CACNA2D3: variants seen among roughly 807,000 people sequenced by gnomAD.
The protein encoded by CACNA2D3 is calcium voltage-gated channel auxiliary subunit alpha2delta 3, also known as voltage-dependent calcium channel subunit alpha-2/delta-3.
Under a neutral mutation model 160.6 loss-of-function variants are expected in CACNA2D3, and 60 were observed. The observed-to-expected ratio is 0.37, with a 90% CI of 0.30 to 0.46. The LOEUF (loss-of-function observed/expected upper bound fraction) is 0.46. CACNA2D3 is among the 20% of genes least tolerant of loss of function. CACNA2D3 has a pLI of 1.00. For missense variants in CACNA2D3, 1,205 were observed against 1,365.0 expected, an observed-to-expected ratio of 0.88 and a Z score of 1.85; for synonymous variants, 558 against 492.9, an observed-to-expected ratio of 1.13 and a Z score of -1.75.
At chr3:54,678,107 A>G (rs1046197801) in intron 11 of CACNA2D3, among the ~76,000 whole-genome samples, 2 of 152,158 alleles carry the variant, frequency 1.3e-5, no homozygotes, top group Admixed American at 1.3e-4. Flanking sequence ...AGGGGTCTGG[A>G]AAAAGTTCCA....
At chr3:55,034,541 T>C (rs552918014) in intron 35 of CACNA2D3, among the ~76,000 whole-genome samples, 30 of 152,188 alleles carry the variant, frequency 2.0e-4, no homozygotes, top group African/African-American at 7.0e-4. Flanking sequence ...TAGTACTGGC[T>C]TATGGTAGTG....
intron 14 of CACNA2D3, among the ~76,000 whole-genome samples, chr3:54,831,441 A>G (rs900542467): frequency 6.6e-6 from 1 of 152,192 alleles, no homozygotes; most frequent in African/African-American, 2.4e-5. Context: ...AGGCAACCCA[A>G]ACAGATGTCC....
chr3:54,358,914 A>G (rs963072792), intron 3 of CACNA2D3, among the ~76,000 whole-genome samples: 6 of 151,996 alleles, frequency 3.9e-5, no homozygotes, highest in African/African-American at 1.5e-4. Context: ...TTTTCCTCCC[A>G]CCTTCCTTTA....
At chr3:54,785,670 C>T (rs189108702) in intron 13 of CACNA2D3, among the ~76,000 whole-genome samples, 1 of 152,244 alleles carries the variant, frequency 6.6e-6, no homozygotes, top group African/African-American at 2.4e-5. Flanking sequence ...CATGACATGT[C>T]TTATTGTACA....
chr3:54,976,348 GGAGA>G (rs926533521), intron 29 of CACNA2D3, among the ~76,000 whole-genome samples: 3 of 145,142 alleles, frequency 2.1e-5, no homozygotes, highest in African/African-American at 7.6e-5. Context: ...GGGGGAGGGG[GGAGA>G]GATAGCATTG....
At chr3:55,040,299 G>C (rs1011468957) in intron 35 of CACNA2D3, among the ~76,000 whole-genome samples, 11 of 152,116 alleles carry the variant, frequency 7.2e-5, no homozygotes, top group African/African-American at 2.7e-4. Context: ...GTGGGATACA[G>C]TTCAACCCAT....
chr3:54,712,521 C>A (rs1260198712), intron 11 of CACNA2D3, among the ~76,000 whole-genome samples: 2 of 152,148 alleles, frequency 1.3e-5, no homozygotes, highest in African/African-American at 4.8e-5. Context: ...GGGATTTTCC[C>A]TGCACAAGCT....
chr3:54,587,272 G>A (rs1380579377), intron 9 of CACNA2D3, among the ~76,000 whole-genome samples: 1 of 152,040 alleles, frequency 6.6e-6, no homozygotes, highest in African/African-American at 2.4e-5. Flanking sequence ...AAAATGAAGA[G>A]AGGGGCAGGC....
chr3:55,051,813 C>T lies in CACNA2D3; in HGVS notation c.2988-21632C>T, dbSNP rs553196098. Reference sequence around the variant, plus strand: ...TGTGGGATATAATCTCGTGGTGCGCCGTTTTTTAAGCCCGTCGGAAAAGCG... The same window carrying T: ...TGTGGGATATAATCTCGTGGTGCGCTGTTTTTTAAGCCCGTCGGAAAAGCG... On this transcript the variant is annotated intron_variant, in intron 35 of 37. Coordinates refer to ENST00000474759, the MANE Select transcript of CACNA2D3 (RefSeq NM_018398.3). Among the ~76,000 whole-genome samples, 645 of 152,238 alleles carry T rather than the reference C, an allele frequency of 4.2e-3. 5 individuals carry two copies. The highest frequency in any genetic ancestry group is 6.8e-3 in the Middle Eastern group (2 of 294).
intron 13 of CACNA2D3, among the ~76,000 whole-genome samples, chr3:54,792,175 C>A (rs192286260): frequency 6.6e-6 from 1 of 152,254 alleles, no homozygotes; most frequent in Non-Finnish European, 1.5e-5. Context: ...TAGCTCTGCA[C>A]TGAAGGGTGA....
intron 2 of CACNA2D3, among the ~76,000 whole-genome samples, chr3:54,204,808 A>G (rs1180987559): frequency 1.1e-4 from 16 of 150,588 alleles, no homozygotes; most frequent in African/African-American, 2.9e-4. Context: ...AAAAAAAAAA[A>G]AAAAAAAAAA....
intron 4 of CACNA2D3, among the ~76,000 whole-genome samples, chr3:54,391,944 A>G (rs1699289732): frequency 1.3e-5 from 2 of 152,082 alleles, no homozygotes; most frequent in Admixed American, 1.3e-4. Context: ...TCATTGGGTC[A>G]ATTTTCAGTC....
chr3:54,290,019 C>T (rs1341981799), intron 2 of CACNA2D3, among the ~76,000 whole-genome samples: 1 of 151,260 alleles, frequency 6.6e-6, no homozygotes, highest in Non-Finnish European at 1.5e-5. Flanking sequence ...ATGTCTAAAA[C>T]ACCAAAAGCA....
chr3:54,636,605 A>G (rs1699378018), intron 10 of CACNA2D3, among the ~76,000 whole-genome samples: 1 of 152,012 alleles, frequency 6.6e-6, no homozygotes, highest in African/African-American at 2.4e-5. Context: ...CTAAAACAGT[A>G]AGGTCAAGTT....
rs535954186 is a variant in CACNA2D3, at chr3:54,179,393, C to G, written c.204+55799C>G. On this transcript the variant is annotated intron_variant, in intron 2 of 37. Coordinates refer to ENST00000474759, the MANE Select transcript of CACNA2D3 (RefSeq NM_018398.3). The stretch of plus-strand genomic sequence containing the variant: ...CTTCTGCAGGAATTCTGTTGCTACT[C>G]TTGGGGAACCTTTCTCCCATGATCC... 3.3e-5 allele frequency among the ~76,000 whole-genome samples: 5 copies of G among 152,224 alleles called. No homozygotes were observed. In the South Asian group the frequency reaches 1.0e-3, roughly 32 times the overall value.
At chr3:54,637,843 C>T (rs919555935) in intron 10 of CACNA2D3, 3 of 151,946 alleles carry the variant, frequency 2.0e-5, no homozygotes, top group Non-Finnish European at 2.9e-5. Flanking sequence ...TTGAACAGTC[C>T]GATTTTCAGT....
At chr3:54,997,836 A>T (rs1020763784) in intron 31 of CACNA2D3, among the ~76,000 whole-genome samples, 1 of 152,220 alleles carries the variant, frequency 6.6e-6, no homozygotes, top group Non-Finnish European at 1.5e-5. Flanking sequence ...TGCCTTAGGA[A>T]TTGAGAGTGA....
At chr3:54,708,307 A>G (rs1575433502) in intron 11 of CACNA2D3, among the ~76,000 whole-genome samples, 1 of 152,212 alleles carries the variant, frequency 6.6e-6, no homozygotes, top group East Asian at 1.9e-4. Flanking sequence ...ATGGCAGGCG[A>G]AAACTGTTTT....
At chr3:54,382,371 T>C (rs1229038908) in intron 3 of CACNA2D3, among the ~76,000 whole-genome samples, 2 of 152,230 alleles carry the variant, frequency 1.3e-5, no homozygotes, top group African/African-American at 2.4e-5. Flanking sequence ...TAATGACATT[T>C]GCTAAGAAAA....
Sources: gnomAD v4.1 joint callset for allele counts (sites outside exome capture counted in the v4.1 genomes callset) on GRCh38, gnomAD v4.1.1 for gene constraint, MANE v1.5 for transcripts, NCBI Gene and HGNC (gene_info 2026-07-23, HGNC 2026-07-21) for gene names.